Variants in NTN4 observed in about 807,000 individuals in gnomAD.
The protein encoded by NTN4 is netrin-4.
A neutral mutation model predicts 73.6 loss-of-function variants in NTN4; 32 were observed. The ratio of observed to expected loss-of-function variants is 0.44; its 90% CI spans 0.33 to 0.58. NTN4 has a LOEUF of 0.58. NTN4 is among the 20% of genes least tolerant of loss of function. NTN4 has a pLI of 0.04. For synonymous variants in NTN4, 258 were observed against 287.5 expected, an observed-to-expected ratio of 0.90 and a Z score of 1.04; for missense variants, 654 against 798.3, an observed-to-expected ratio of 0.82 and a Z score of 2.18.
chr12:95,718,525 A>G (rs2121108939), intron 3 of NTN4, among the ~76,000 whole-genome samples: 1 of 152,316 alleles, frequency 6.6e-6, no homozygotes, highest in South Asian at 2.1e-4. Flanking sequence ...TCTGTATTGT[A>G]AATACTATTT....
At position 95,693,897 on chromosome 12, in the gene NTN4, T is replaced by C. The variant is rs1308172452; in HGVS notation, c.1181-10186A>G. ...GGTCAACCTGCATGAATATAAAAAGTACACAAACACAAGCACAAGACAGGA... is the reference window on the plus strand; with the variant it reads ...GGTCAACCTGCATGAATATAAAAAGCACACAAACACAAGCACAAGACAGGA... On this transcript the variant is annotated intron_variant, in intron 5 of 9. Coordinates refer to ENST00000343702, the MANE Select transcript of NTN4 (RefSeq NM_021229.4). Among the ~76,000 whole-genome samples the C allele has an allele frequency of 6.6e-5, 10 of 151,660 alleles. No individual in the cohort carries two copies. The East Asian group carries it at 1.9e-3, about 29-fold the overall frequency.
rs188843934 is a variant in NTN4, at chr12:95,709,880, C to T, written c.1180+561G>A. 1.9e-3 allele frequency among the ~76,000 whole-genome samples: 293 copies of T among 152,234 alleles called. 2 individuals carry two copies. The highest frequency in any genetic ancestry group is 6.6e-3 in the African/African-American group (273 of 41,532). On this transcript the variant is annotated intron_variant, in intron 5 of 9. Coordinates refer to ENST00000343702, the MANE Select transcript of NTN4 (RefSeq NM_021229.4). Reference sequence around the variant, plus strand: ...GTTATGTCAATAAAAAAGCAGAACCCATGCTATAAGAGTTTAGTATTTTGG... The same window carrying T: ...GTTATGTCAATAAAAAAGCAGAACCTATGCTATAAGAGTTTAGTATTTTGG...
chr12:95,736,114 T>C (rs2078776106), intron 3 of NTN4, among the ~76,000 whole-genome samples: 1 of 151,928 alleles, frequency 6.6e-6, no homozygotes, highest in African/African-American at 2.4e-5. Flanking sequence ...AATTTTTGTA[T>C]TTTTAGTAGA....
chr12:95,740,633 C>A (rs773347529), intron 2 of NTN4, among the ~76,000 whole-genome samples: 2 of 152,018 alleles, frequency 1.3e-5, no homozygotes, highest in East Asian at 3.9e-4. Context: ...ACAGAAAAAT[C>A]GGTCATGCAA....
At chr12:95,731,452 G>A (rs1027952831) in intron 3 of NTN4, among the ~76,000 whole-genome samples, 5 of 152,148 alleles carry the variant, frequency 3.3e-5, no homozygotes, top group Non-Finnish European at 2.9e-5. Context: ...TGTAATCCCA[G>A]CTACTCGGGA....
chr12:95,729,344 A>C (rs1216230651), intron 3 of NTN4, among the ~76,000 whole-genome samples: 1 of 152,046 alleles, frequency 6.6e-6, no homozygotes, highest in African/African-American at 2.4e-5. Context: ...CTACCTAAAG[A>C]CTAGGAAAAG....
chr12:95,751,755 G>C (rs1158174334), intron 2 of NTN4, among the ~76,000 whole-genome samples: 2 of 148,668 alleles, frequency 1.3e-5, no homozygotes, highest in Non-Finnish European at 3.0e-5. Flanking sequence ...AATCTATACG[G>C]AGGCTACCCA....
intron 2 of NTN4, among the ~76,000 whole-genome samples, chr12:95,779,042 A>C (rs1335345224): frequency 6.6e-6 from 1 of 152,234 alleles, no homozygotes; most frequent in Non-Finnish European, 1.5e-5. Flanking sequence ...ATATAAACAG[A>C]ACCAAAGACA....
At chr12:95,691,049 T>G (rs1255649516) in intron 5 of NTN4, among the ~76,000 whole-genome samples, 1 of 152,282 alleles carries the variant, frequency 6.6e-6, no homozygotes, top group Non-Finnish European at 1.5e-5. Context: ...TTGGAAACTA[T>G]GCAGAACTAG....
intron 2 of NTN4, among the ~76,000 whole-genome samples, chr12:95,748,509 G>A (rs1181430357): frequency 5.4e-4 from 69 of 128,316 alleles, no homozygotes; most frequent in Non-Finnish European, 8.9e-4. Context: ...ATGGAGTCTC[G>A]CTCTGTTGTC....
intron 9 of NTN4, among the ~76,000 whole-genome samples, chr12:95,661,214 G>A (rs1427936077): frequency 6.6e-6 from 1 of 152,170 alleles, no homozygotes; most frequent in African/African-American, 2.4e-5. Flanking sequence ...TTGAAAATTA[G>A]AAATTACAGG....
intron 3 of NTN4, among the ~76,000 whole-genome samples, chr12:95,735,442 A>C (rs1464434509): frequency 6.6e-6 from 1 of 152,156 alleles, no homozygotes; most frequent in Non-Finnish European, 1.5e-5. Context: ...GCACAAATTG[A>C]AATCAGTATG....
chr12:95,706,298 C>G (rs1219461602), intron 5 of NTN4, among the ~76,000 whole-genome samples: 1 of 114,946 alleles, frequency 8.7e-6, no homozygotes, highest in Non-Finnish European at 1.9e-5. Context: ...ACAAAAAAAA[C>G]TAAAACAAAA....
chr12:95,686,010 C>G (rs567051957), intron 5 of NTN4, among the ~76,000 whole-genome samples: 1 of 152,252 alleles, frequency 6.6e-6, no homozygotes, highest in East Asian at 1.9e-4. Flanking sequence ...CTCAGCCTCC[C>G]AAGTAGCTGG....
chr12:95,760,702 G>A (rs567911754), intron 2 of NTN4, among the ~76,000 whole-genome samples: 5 of 120,168 alleles, frequency 4.2e-5, no homozygotes, highest in African/African-American at 6.4e-5. Flanking sequence ...TTTTTTTCTC[G>A]CTTAAGCTGT....
chr12:95,710,143 TC>T (rs1346345610), intron 5 of NTN4, among the ~76,000 whole-genome samples: 1 of 152,194 alleles, frequency 6.6e-6, no homozygotes. Flanking sequence ...TAAATAGCTC[TC>T]CCTCTTCATC....
intron 9 of NTN4, chr12:95,663,442 A>C (rs1007710161): frequency 6.6e-6 from 1 of 152,256 alleles, no homozygotes; most frequent in Middle Eastern, 3.2e-3. Context: ...AAGAAGATAC[A>C]ATACTTTAGT....
chr12:95,776,331 G>A (rs2079092210), intron 2 of NTN4, among the ~76,000 whole-genome samples: 1 of 152,206 alleles, frequency 6.6e-6, no homozygotes, highest in Admixed American at 6.5e-5. Flanking sequence ...GATGAGTTGA[G>A]AGAAGAAGGC....
intron 5 of NTN4, among the ~76,000 whole-genome samples, chr12:95,690,807 G>T (rs1475587814): frequency 2.0e-5 from 3 of 152,068 alleles, no homozygotes; most frequent in Non-Finnish European, 2.9e-5. Flanking sequence ...TTAGCCAGAA[G>T]AAAGATATTA....
Sources: gnomAD v4.1 joint callset for allele counts (sites outside exome capture counted in the v4.1 genomes callset) on GRCh38, gnomAD v4.1.1 for gene constraint, MANE v1.5 for transcripts, NCBI Gene and HGNC (gene_info 2026-07-23, HGNC 2026-07-21) for gene names.